The following SIPA1L2 variants were observed in gnomAD, a reference collection of about 807,000 sequenced individuals.
SIPA1L2 encodes the protein signal-induced proliferation-associated 1-like protein 2.
Under a neutral mutation model 163.9 loss-of-function variants are expected in SIPA1L2, and 56 were observed. The observed-to-expected ratio is 0.34, with a 90% CI of 0.28 to 0.43. The LOEUF (loss-of-function observed/expected upper bound fraction) is 0.43, where lower values mean the gene tolerates loss of function less well. SIPA1L2 is among the 20% of genes least tolerant of loss of function. The pLI, the probability that SIPA1L2 is intolerant of heterozygous loss-of-function variation, is 1.00. For missense variants in SIPA1L2, 1,974 were observed against 2,193.5 expected (o/e 0.90, Z 2.00); for synonymous variants, 877 against 865.7 (o/e 1.01, Z -0.23).
chr1:232,574,868 CTT>C (rs1014013340), intron 1 of SIPA1L2, among the ~76,000 whole-genome samples: 2 of 152,110 alleles, frequency 1.3e-5, no homozygotes, highest in Non-Finnish European at 2.9e-5. Flanking sequence ...TACTAAAACA[CTT>C]TATATATGTT....
At chr1:232,429,498 G>C (rs1320807586) in intron 16 of SIPA1L2, among the ~76,000 whole-genome samples, 1 of 152,024 alleles carries the variant, frequency 6.6e-6, no homozygotes, top group African/African-American at 2.4e-5. Flanking sequence ...AATTAAGAAG[G>C]ATTTCTCTAA....
chr1:232,453,106 C>T (rs1288982216), intron 10 of SIPA1L2, among the ~76,000 whole-genome samples: 1 of 152,004 alleles, frequency 6.6e-6, no homozygotes, highest in East Asian at 1.9e-4. Context: ...TGTAAAATTC[C>T]CTTCATCTAC....
rs554482887 is a variant in SIPA1L2, at chr1:232,449,597, A to G, written c.3096-3811T>C. ...CAACTACCAGACAGACCTATCACAA[A>G]AGAGAAGAGGGAAAAAAAAAGGGGG... On this transcript the variant is annotated intron_variant, in intron 10 of 22. Transcript: ENST00000674635. 3.5e-5 allele frequency among the ~76,000 whole-genome samples: 5 copies of G among 142,386 alleles called. No homozygotes were observed. In the Admixed American group the frequency reaches 3.8e-4, roughly 11 times the overall value. 93.4% of individuals were successfully genotyped at this position (142,386 alleles called of 152,430 possible).
chr1:232,404,205 T>C, intron 19 of SIPA1L2, 27 bp from the exon 20 acceptor site: 1 of 1,609,232 alleles, frequency 6.2e-7, no homozygotes, highest in Non-Finnish European at 8.5e-7. Context: ...AATTTTCCTA[T>C]GAACAGGAGT....
intron 1 of SIPA1L2, among the ~76,000 whole-genome samples, chr1:232,625,216 G>C (rs1424296023): frequency 6.6e-6 from 1 of 152,196 alleles, no homozygotes; most frequent in African/African-American, 2.4e-5. Flanking sequence ...CTATAACCGA[G>C]AGTGTGACTC....
intron 1 of SIPA1L2, among the ~76,000 whole-genome samples, chr1:232,602,686 A>C (rs1211951804): frequency 6.6e-6 from 1 of 152,206 alleles, no homozygotes; most frequent in Non-Finnish European, 1.5e-5. Flanking sequence ...GTTTCCACGC[A>C]GAAAATGCTG....
chr1:232,543,343 T>C (rs1573055470), intron 2 of SIPA1L2, among the ~76,000 whole-genome samples: 2 of 152,122 alleles, frequency 1.3e-5, no homozygotes, highest in African/African-American at 4.8e-5. Context: ...ACTGCATGGG[T>C]CCACTTATAC....
chr1:232,539,837 T>C (rs1479178959), intron 2 of SIPA1L2, among the ~76,000 whole-genome samples: 2 of 152,232 alleles, frequency 1.3e-5, no homozygotes, highest in Non-Finnish European at 2.9e-5. Flanking sequence ...TCCTCTGAGC[T>C]TCATTCTACC....
intron 19 of SIPA1L2, among the ~76,000 whole-genome samples, chr1:232,406,667 G>C (rs180755270): frequency 6.6e-6 from 1 of 152,162 alleles, no homozygotes; most frequent in East Asian, 1.9e-4. Context: ...GGATTGGTGG[G>C]GGTGAATGGT....
intron 2 of SIPA1L2, among the ~76,000 whole-genome samples, chr1:232,567,503 G>A (rs1422787655): frequency 1.3e-5 from 2 of 152,010 alleles, no homozygotes; most frequent in Non-Finnish European, 2.9e-5. Flanking sequence ...TTGGAAAAAT[G>A]GAAGGAAAAT....
At chr1:232,546,336 T>G (rs774530278) in intron 2 of SIPA1L2, among the ~76,000 whole-genome samples, 3 of 152,202 alleles carry the variant, frequency 2.0e-5, no homozygotes, top group Non-Finnish European at 4.4e-5. Context: ...CGCCAAGACT[T>G]CACCTTTATT....
At chr1:232,599,681 T>A (rs557262647) in intron 1 of SIPA1L2, among the ~76,000 whole-genome samples, 56 of 152,136 alleles carry the variant, frequency 3.7e-4, no homozygotes, top group Non-Finnish European at 7.5e-4. Flanking sequence ...CCAATCATGC[T>A]TCCTACTCCC....
intron 1 of SIPA1L2, among the ~76,000 whole-genome samples, chr1:232,607,629 TC>T (rs1661997141): frequency 6.6e-6 from 1 of 152,102 alleles, no homozygotes; most frequent in South Asian, 2.1e-4. Context: ...CCACTTCTCC[TC>T]GTATTTATTA....
Position 232,524,969 on chromosome 1 carries a change from AT to A in SIPA1L2, c.-269-9362del, listed in dbSNP as rs760592141. Among the ~76,000 whole-genome samples, 61 of 152,202 alleles carry A rather than the reference AT, an allele frequency of 4.0e-4. No individual in the cohort carries two copies. In the East Asian group the frequency reaches 5.6e-3, roughly 14 times the overall value. On this transcript the variant is annotated intron_variant, in intron 2 of 22. Coordinates refer to ENST00000674635, the MANE Select transcript of SIPA1L2 (RefSeq NM_020808.5). ...AAACTTTAAATTCAATAAATATAACATTTTTTTAAGATCCTTCATAAAACCA... is the reference window on the plus strand; with the variant it reads ...AAACTTTAAATTCAATAAATATAACATTTTTTAAGATCCTTCATAAAACCA...
At chr1:232,500,753 T>C (rs1353568213) in intron 3 of SIPA1L2, among the ~76,000 whole-genome samples, 1 of 152,204 alleles carries the variant, frequency 6.6e-6, no homozygotes, top group Non-Finnish European at 1.5e-5. Flanking sequence ...ATTTAGAATA[T>C]TGCATAAACT....
At chr1:232,552,737 G>C (rs1573071586) in intron 2 of SIPA1L2, among the ~76,000 whole-genome samples, 1 of 152,290 alleles carries the variant, frequency 6.6e-6, no homozygotes, top group African/African-American at 2.4e-5. Flanking sequence ...TAGTATAAGA[G>C]AAAGAAATAA....
chr1:232,595,309 G>T (rs1661199208), intron 1 of SIPA1L2, among the ~76,000 whole-genome samples: 1 of 152,036 alleles, frequency 6.6e-6, no homozygotes, highest in Non-Finnish European at 1.5e-5. Context: ...CAACAAAGAA[G>T]GCCTTCACTC....
At chr1:232,554,836 A>G (rs1658604918) in intron 2 of SIPA1L2, among the ~76,000 whole-genome samples, 1 of 152,222 alleles carries the variant, frequency 6.6e-6, no homozygotes. Context: ...TTTTATCAAA[A>G]TAACAATAAG....
At chr1:232,462,028 G>A (rs992805863) in intron 9 of SIPA1L2, among the ~76,000 whole-genome samples, 2 of 152,196 alleles carry the variant, frequency 1.3e-5, no homozygotes, top group East Asian at 3.9e-4. Context: ...TCTCCTAGGG[G>A]CTGAGGGCAG....
Sources: gnomAD v4.1 joint callset for allele counts (sites outside exome capture counted in the v4.1 genomes callset) on GRCh38, gnomAD v4.1.1 for gene constraint, MANE v1.5 for transcripts, NCBI Gene and HGNC (gene_info 2026-07-23, HGNC 2026-07-21) for gene names.